ZBTB7A: variants seen among roughly 807,000 people sequenced by gnomAD.
ZBTB7A encodes the protein zinc finger and BTB domain-containing protein 7A.
In ZBTB7A, 7 loss-of-function variants were observed where a neutral mutation model predicts 26.7. The observed-to-expected ratio is 0.26, with a 90% CI of 0.15 to 0.49. ZBTB7A has a LOEUF of 0.49. ZBTB7A is among the 20% of genes least tolerant of loss of function. The pLI, the probability that ZBTB7A is intolerant of heterozygous loss-of-function variation, is 0.98. For missense variants in ZBTB7A, 617 were observed against 919.5 expected, an observed-to-expected ratio of 0.67 and a Z score of 4.25; for synonymous variants, 452 against 441.0, an observed-to-expected ratio of 1.02 and a Z score of -0.31.
Position 4,054,781 on chromosome 19 carries a change from T to C in ZBTB7A, c.452A>G (p.Gln151Arg). ...GQLDLVDQID[Q>R]RNLLRAKEYL... ...CTCCTTGGCGCGGAGGAGGTTGCGC[T>C]GATCAATTTGATCTACAAGGTCCAG... is the stretch of plus-strand genomic sequence containing the variant. The change falls in exon 2 of 3, where the codon CAG becomes CGG. Residue 151 changes from glutamine (Q) to arginine (R), a missense_variant. Transcript: ENST00000322357. The C allele has an allele frequency of 6.3e-7, 1 of 1,581,316 alleles. No individual in the cohort carries two copies. The highest frequency in any genetic ancestry group is 8.6e-7 in the Non-Finnish European group (1 of 1,163,248).
In ZBTB7A at chr19:4,057,739, C is replaced by T. The variant is rs1252020238; in HGVS notation, c.-15-2492G>A. ...AGGCTGCAGTGAGCCACCTAGATCA[C>T]GCCACAGCACTCCAGTCTGGTGACA... On this transcript the variant is annotated intron_variant, in intron 1 of 2. Transcript: ENST00000322357. Among the ~76,000 whole-genome samples, 6 of 149,930 alleles carry T rather than the reference C, an allele frequency of 4.0e-5. No individual in the cohort carries two copies. The South Asian group carries it at 6.4e-4, about 16-fold the overall frequency.
Position 4,043,836 on chromosome 19 carries a change from C to T in ZBTB7A, c.*3916G>A, listed in dbSNP as rs2040377939. On this transcript the variant is annotated 3_prime_UTR_variant, in exon 3 of 3. Coordinates refer to ENST00000322357, the MANE Select transcript of ZBTB7A (RefSeq NM_015898.4). ...GGCCCCTGACCCGTCCTGCGCCAGC[C>T]ACCCACCACCCCCCCCCCCCCACCT... Among the ~76,000 whole-genome samples the T allele has an allele frequency of 4.7e-5, 2 of 42,426 alleles. No homozygotes were observed. The highest frequency in any genetic ancestry group is 3.9e-4 in the Admixed American group (2 of 5,186). 27.8% of individuals were successfully genotyped at this position (42,426 alleles called of 152,430 possible).
rs1445203227 is a variant in ZBTB7A, at chr19:4,048,951, C to T, written c.1263-707G>A. Among the ~76,000 whole-genome samples the T allele has an allele frequency of 6.8e-6, 1 of 146,744 alleles. No homozygotes were observed. The highest frequency in any genetic ancestry group is 1.5e-5 in the Non-Finnish European group (1 of 66,594). ...CCAGATCACGCCACTGCCCTCCAAC[C>T]TCGGTGACAGAATGAGACTGTCTCC... On this transcript the variant is annotated intron_variant, in intron 2 of 2. Transcript: ENST00000322357. This position sits in a 1 kb window ranked among gnomAD's most constrained non-coding sequence, Gnocchi z 6.7.
In ZBTB7A at chr19:4,044,939, G is replaced by T. The variant is rs935364439; in HGVS notation, c.*2813C>A. On this transcript the variant is annotated 3_prime_UTR_variant, in exon 3 of 3. Coordinates refer to ENST00000322357, the MANE Select transcript of ZBTB7A (RefSeq NM_015898.4). ...TAAAATCGATTCACGTCTATATACA[G>T]TATGTGATTGCGCGGAGTCTGGGGA... The T allele has an allele frequency of 2.2e-5, 3 of 137,104 alleles. No individual in the cohort carries two copies. The highest frequency in any genetic ancestry group is 4.7e-5 in the Non-Finnish European group (3 of 63,820). 8.5% of individuals were successfully genotyped at this position (137,104 alleles called of 1,614,324 possible).
intron 1 of ZBTB7A, among the ~76,000 whole-genome samples, chr19:4,058,901 C>T (rs1230836068): frequency 6.6e-6 from 1 of 152,202 alleles, no homozygotes; most frequent in Non-Finnish European, 1.5e-5. Flanking sequence ...CTTCCAGCCT[C>T]GGCCCAGGGC....
intron 2 of ZBTB7A, among the ~76,000 whole-genome samples, chr19:4,053,561 G>A (rs543118508): frequency 3.8e-4 from 55 of 145,814 alleles, no homozygotes; most frequent in East Asian, 7.8e-4. Flanking sequence ...TGTGGTGTGC[G>A]TGTGTGTGCG....
intron 2 of ZBTB7A, among the ~76,000 whole-genome samples, chr19:4,049,148 A>ATGTGTGTGTGTG (rs141419678): frequency 3.6e-4 from 15 of 41,650 alleles, no homozygotes; most frequent in South Asian, 1.0e-3. Context: ...ATTAAACTAT[A>ATGTGTGTGTGTG]TGTGTGTGTG....
intron 2 of ZBTB7A, 53 bp downstream of exon 2, chr19:4,053,918 C>T (rs908246259): frequency 1.8e-5 from 28 of 1,531,000 alleles, no homozygotes; most frequent in South Asian, 5.0e-5. Context: ...TCGTGAGCGG[C>T]GGATGCTGGG....
chr19:4,051,959 C>T (rs1478972498), intron 2 of ZBTB7A, among the ~76,000 whole-genome samples: 1 of 152,068 alleles, frequency 6.6e-6, no homozygotes, highest in Non-Finnish European at 1.5e-5. Context: ...CAACGCCCTG[C>T]TGTGACTCAG....
At chr19:4,053,925 TG>T (rs2040537186) in intron 2 of ZBTB7A, 45 bp downstream of exon 2, 1 of 1,538,240 alleles carries the variant, frequency 6.5e-7, no homozygotes, top group Admixed American at 1.9e-5. Context: ...CGGCGGATGC[TG>T]GGGCAGAGAG....
chr19:4,059,659 A>G (rs757293661), intron 1 of ZBTB7A, among the ~76,000 whole-genome samples: 1 of 151,616 alleles, frequency 6.6e-6, no homozygotes, highest in Non-Finnish European at 1.5e-5. Flanking sequence ...CACCCAGGGC[A>G]AGGCCCTGCC....
rs2040426390 is a variant in ZBTB7A at position 4,046,860 on chromosome 19, G to A, written c.*892C>T. ...AAGTGCTTTAAAAATTTGGGAGAGG[G>A]GGCTCGGGGGAGAGGACGAAGACAG... On this transcript the variant is annotated 3_prime_UTR_variant, in exon 3 of 3. Coordinates refer to ENST00000322357, the MANE Select transcript of ZBTB7A (RefSeq NM_015898.4). The A allele has an allele frequency of 1.3e-5, 2 of 151,074 alleles. No homozygotes were observed. The highest frequency in any genetic ancestry group is 2.4e-5 in the African/African-American group (1 of 41,188). The allele number at this position is 151,074 out of a possible 1,614,324, so 9.4% of individuals were successfully genotyped here. A position where few individuals can be genotyped will look rare whatever the true frequency, so the allele number is the denominator to read the frequency against.
chr19:4,049,086 C>A (rs2040463225), intron 2 of ZBTB7A, among the ~76,000 whole-genome samples: 1 of 141,786 alleles, frequency 7.1e-6, no homozygotes, highest in South Asian at 2.3e-4. Flanking sequence ...AGCCATCGTC[C>A]TGCCTCATCC....
intron 2 of ZBTB7A, among the ~76,000 whole-genome samples, chr19:4,051,316 A>AATT (rs1460983196): frequency 6.6e-6 from 1 of 151,990 alleles, no homozygotes; most frequent in Non-Finnish European, 1.5e-5. Context: ...CACACTCAAT[A>AATT]GACTGAAGAC....
rs920281023 is a variant in ZBTB7A at position 4,054,721 on chromosome 19, C to T, written c.512G>A (p.Ser171Asn). 4.5e-6 allele frequency: 7 copies of T among 1,572,434 alleles called. No homozygotes were observed. Among genetic ancestry groups the T allele is most frequent in the African/African-American group, 1.4e-5 (1 of 73,926 alleles). The change falls in exon 2 of 3, where the codon AGC becomes AAC. Residue 171 changes from serine (S) to asparagine (N), a missense_variant. Transcript: ENST00000322357. Reference protein sequence around the residue: ...LEFFQSNPMNSLPPAAAAAAA... With the variant: ...LEFFQSNPMNNLPPAAAAAAA... ...GGCGGCGGCGGCCGCGGGGGGCAGG[C>T]TGTTCATGGGGTTGCTCTGGAAGAA...
chr19:4,049,759 G>A (rs569495946), intron 2 of ZBTB7A, among the ~76,000 whole-genome samples: 2 of 152,182 alleles, frequency 1.3e-5, no homozygotes, highest in Admixed American at 6.5e-5. Context: ...ACCCTGACGT[G>A]CAAAGGTGCA....
At chr19:4,055,660 A>G (rs928690163) in intron 1 of ZBTB7A, among the ~76,000 whole-genome samples, 2 of 152,084 alleles carry the variant, frequency 1.3e-5, no homozygotes, top group Non-Finnish European at 2.9e-5. Context: ...GTCTCTACTA[A>G]AAAATACAAA....
chr19:4,066,313 G>A (rs1478694590), intron 1 of ZBTB7A, among the ~76,000 whole-genome samples: 2 of 149,568 alleles, frequency 1.3e-5, no homozygotes, highest in Admixed American at 1.3e-4. Flanking sequence ...AACTTAGCAG[G>A]CGACGCGCCC....
At position 4,060,812 on chromosome 19, in the gene ZBTB7A, A is replaced by G. The variant is rs543953842; in HGVS notation, c.-15-5565T>C. On this transcript the variant is annotated intron_variant, in intron 1 of 2. Transcript: ENST00000322357. ...GCTGGGCAGGTAACTGCCACCCGCC[A>G]CCTTCCCGAAGGTCACTTCCTGGAG... Among the ~76,000 whole-genome samples, 3 of 152,240 alleles carry G rather than the reference A, an allele frequency of 2.0e-5. No homozygotes were observed. In the South Asian group the frequency reaches 6.2e-4, roughly 32 times the overall value.
Sources: allele counts gnomAD v4.1 joint callset (sites outside exome capture counted in the v4.1 genomes callset), GRCh38; gene constraint gnomAD v4.1.1; non-coding constraint Gnocchi (gnomAD v3.1); transcripts MANE v1.5; gene names NCBI Gene and HGNC (gene_info 2026-07-23, HGNC 2026-07-21).